HTT: variants seen among roughly 807,000 people sequenced by gnomAD.
HTT encodes huntingtin.
In HTT, 104 loss-of-function variants were observed where a neutral mutation model predicts 362.3. The ratio of observed to expected loss-of-function variants is 0.29; its 90% confidence interval spans 0.24 to 0.34. The LOEUF is 0.34. Among genes scored for constraint, HTT ranks in the 10% least tolerant of loss-of-function variants. HTT has a pLI of 1.00. For missense variants in HTT, 3,301 were observed against 3,928.6 expected (o/e 0.84, Z 4.27); for synonymous variants, 1,577 against 1,548.7 (o/e 1.02, Z -0.43).
At chr4:3,229,712 C>T (rs1053642683) in intron 59 of HTT, among the ~76,000 whole-genome samples, 175 bp from the exon 60 acceptor site, 1 of 152,140 alleles carries the variant, frequency 6.6e-6, no homozygotes, top group Non-Finnish European at 1.5e-5. Flanking sequence ...GTGTACCACG[C>T]ACCCACACAG....
chr4:3,105,131 G>A (rs1475856403), intron 4 of HTT, among the ~76,000 whole-genome samples: 2 of 152,062 alleles, frequency 1.3e-5, no homozygotes, highest in East Asian at 3.9e-4. Context: ...TTCTTCAAAA[G>A]GTTACTCTTT....
At chr4:3,134,616 G>A in intron 19 of HTT, 76 bp downstream of exon 19, 1 of 1,318,402 alleles carries the variant, frequency 7.6e-7, no homozygotes, top group Non-Finnish European at 1.1e-6. Flanking sequence ...TGCAAGGAAT[G>A]ATGTTATCAA....
At chr4:3,199,975 C>G (rs755294661) in intron 41 of HTT, 36 bp downstream of exon 41, 79 of 1,555,128 alleles carry the variant, frequency 5.1e-5, no homozygotes, top group Non-Finnish European at 6.4e-5. Flanking sequence ...AGGGCGCCAG[C>G]CCAGCACCCT....
intron 51 of HTT, among the ~76,000 whole-genome samples, chr4:3,216,000 A>G (rs1720377753): frequency 6.6e-6 from 1 of 152,142 alleles, no homozygotes; most frequent in African/African-American, 2.4e-5. Flanking sequence ...CTGTCCACAC[A>G]TTTTACACAG....
At chr4:3,181,105 C>A (rs1033931008) in intron 36 of HTT, among the ~76,000 whole-genome samples, 1 of 151,822 alleles carries the variant, frequency 6.6e-6, no homozygotes, top group African/African-American at 2.4e-5. Flanking sequence ...CTGTTTCGAA[C>A]TCCTGACCTC....
intron 66 of HTT, among the ~76,000 whole-genome samples, chr4:3,239,524 G>A (rs552007295): frequency 1.3e-4 from 20 of 152,376 alleles, no homozygotes; most frequent in African/African-American, 4.6e-4. Flanking sequence ...GCCTGGCACG[G>A]CTCTGCCCTC....
At chr4:3,236,588 G>A (rs749874908) in intron 64 of HTT, among the ~76,000 whole-genome samples, 3 of 152,208 alleles carry the variant, frequency 2.0e-5, no homozygotes, top group Non-Finnish European at 1.5e-5. Context: ...GCAGAAGCCT[G>A]TACAGTGAGG....
chr4:3,235,595 G>A lies in HTT; in HGVS notation c.8602G>A (p.Glu2868Lys). The A allele has an allele frequency of 6.2e-7, 1 of 1,613,850 alleles. No homozygotes were observed. Among genetic ancestry groups the A allele is most frequent in the Non-Finnish European group, 8.5e-7 (1 of 1,180,000 alleles). Reference sequence around the variant, plus strand: ...TGGGGTGATGCTGTCTGGAAGTGAGGAGTCCACCCCCTCCATCATTTACCA... The same window carrying A: ...TGGGGTGATGCTGTCTGGAAGTGAGAAGTCCACCCCCTCCATCATTTACCA... Reference protein sequence around the residue: ...MCGVMLSGSEESTPSIIYHCA... With the variant: ...MCGVMLSGSEKSTPSIIYHCA... The change falls in exon 63 of 67, where the codon GAG becomes AAG. Residue 2868 changes from glutamate (E) to lysine (K), a missense_variant. This residue lies in a region of HTT where 753 missense variants were observed against 1,021.3 expected (regional missense o/e 0.74). Transcript: ENST00000355072.
chr4:3,105,179 T>G (rs977078484), intron 4 of HTT, among the ~76,000 whole-genome samples, 178 bp from the exon 5 acceptor site: 4 of 152,232 alleles, frequency 2.6e-5, no homozygotes. Context: ...TAACTTACTT[T>G]ATATCTTTAT....
chr4:3,140,399 G>A (rs565559614), intron 21 of HTT, 111 bp from the exon 22 acceptor site: 3 of 838,736 alleles, frequency 3.6e-6, no homozygotes, highest in South Asian at 3.4e-5. Context: ...GAGAAGTGGT[G>A]TCCGCTGGTA....
chr4:3,209,096 G>A (rs769813000), intron 46 of HTT, among the ~76,000 whole-genome samples, 185 bp downstream of exon 46: 1 of 152,232 alleles, frequency 6.6e-6, no homozygotes, highest in Admixed American at 6.5e-5. Flanking sequence ...AAGCAGTGCT[G>A]ATGTGGGACC....
intron 40 of HTT, among the ~76,000 whole-genome samples, chr4:3,197,524 A>C (rs1560589260): frequency 6.6e-6 from 1 of 151,908 alleles, no homozygotes; most frequent in African/African-American, 2.4e-5. Flanking sequence ...CTCATCTTCC[A>C]CCTGAACTTC....
intron 42 of HTT, among the ~76,000 whole-genome samples, chr4:3,205,278 C>T (rs1464881999): frequency 6.6e-6 from 1 of 151,996 alleles, no homozygotes; most frequent in African/African-American, 2.4e-5. Context: ...AAAACATATG[C>T]ATTTCTTTGT....
Position 3,236,170 on chromosome 4 carries a change from G to A in HTT, c.8807G>A (p.Gly2936Asp). Residue 2936 changes from glycine to aspartate, a missense_variant, in exon 64 of 67, where the codon GGT becomes GAT. Physicochemically the swap from Gly to Asp is moderately conservative, Grantham distance 94. Coordinates refer to ENST00000355072, the MANE Select transcript of HTT (RefSeq NM_001388492.1). ...MYTGKEKVSP[G>D]RTSDPNPAAP... ...ACAGGAAAGGAGAAAGTCAGTCCGG[G>A]TAGAACTTCAGACCCTAATCCTGCA... 1.2e-6 allele frequency: 2 copies of A among 1,614,000 alleles called. No homozygotes were observed. The highest frequency in any genetic ancestry group is 1.7e-6 in the Non-Finnish European group (2 of 1,179,816).
In HTT at chr4:3,140,494, C is replaced by G. The variant is rs766844723; in HGVS notation, c.2799-16C>G. ...CATCTACTTTCTTAAGCAAATTAAC[C>G]TTACTTTTGTGTTAGGCTTGTCCCA... On this transcript the variant is annotated splice_polypyrimidine_tract_variant and intron_variant, in intron 21 of 66. Coordinates refer to ENST00000355072, the MANE Select transcript of HTT (RefSeq NM_001388492.1). 22 of 1,613,186 alleles carry G rather than the reference C, an allele frequency of 1.4e-5. No homozygotes were observed. Among genetic ancestry groups the G allele is most frequent in the Non-Finnish European group, 1.4e-5 (17 of 1,179,458 alleles).
chr4:3,076,018 A>G (rs945036096), intron 1 of HTT, among the ~76,000 whole-genome samples: 5 of 152,126 alleles, frequency 3.3e-5, no homozygotes, highest in Admixed American at 2.6e-4. Context: ...TGTACATTTT[A>G]CCAGTATTCC....
intron 9 of HTT, among the ~76,000 whole-genome samples, chr4:3,122,381 G>A (rs1365701659): frequency 2.0e-5 from 3 of 152,320 alleles, no homozygotes; most frequent in East Asian, 1.9e-4. Context: ...TGTGTGCAGC[G>A]TGGCCTTACT....
At position 3,199,760 on chromosome 4, in the gene HTT, C is replaced by T; in HGVS notation, c.5397C>T (p.Ala1799=). ...TGTTCCGGAGAATCACAGCAGCTGC[C>T]ACTAGGCTGTTCCGCAGTGATGGCT... ...SGMFRRITAA[A]TRLFRSDGCG... is the part of the protein sequence containing the mutation. The change falls in exon 41 of 67, where the codon GCC becomes GCT. Residue 1799 remains alanine, a synonymous_variant. Coordinates refer to ENST00000355072, the MANE Select transcript of HTT (RefSeq NM_001388492.1). The T allele has an allele frequency of 1.2e-6, 2 of 1,614,138 alleles. No homozygotes were observed. Among genetic ancestry groups the T allele is most frequent in the South Asian group, 2.2e-5 (2 of 91,088 alleles).
intron 37 of HTT, among the ~76,000 whole-genome samples, chr4:3,185,950 T>G: frequency 6.7e-6 from 1 of 148,274 alleles, no homozygotes; most frequent in African/African-American, 2.5e-5. Flanking sequence ...ATGGAAGAAA[T>G]GGAAGGGAGG....
Sources: gnomAD v4.1 joint callset for allele counts (sites outside exome capture counted in the v4.1 genomes callset) on GRCh38, gnomAD v4.1.1 for gene constraint, gnomAD v4.1.1 regional missense constraint, MANE v1.5 for transcripts, NCBI Gene and HGNC (gene_info 2026-07-23, HGNC 2026-07-21) for gene names.